The following DIP2A variants were observed in gnomAD, a reference collection of about 807,000 sequenced individuals.
DIP2A encodes disco-interacting protein 2 homolog A.
In DIP2A, 85 loss-of-function variants were observed where a neutral mutation model predicts 177.4. That is an observed-to-expected ratio of 0.48 (90% confidence interval 0.40 to 0.57). DIP2A has a LOEUF of 0.57. DIP2A is among the 20% of genes least tolerant of loss of function. The pLI, the probability that DIP2A is intolerant of heterozygous loss-of-function variation, is 0.00. For synonymous variants in DIP2A, 886 were observed against 881.8 expected, an observed-to-expected ratio of 1.00 and a Z score of -0.08; for missense variants, 1,791 against 2,100.2, an observed-to-expected ratio of 0.85 and a Z score of 2.88.
Position 46,554,543 on chromosome 21 carries a change from G to A in DIP2A, c.3155-32G>A, listed in dbSNP as rs540894130. 34 of 1,602,688 alleles carry A rather than the reference G, an allele frequency of 2.1e-5. No homozygotes were observed. In the East Asian group the frequency reaches 2.7e-4, roughly 13 times the overall value. On this transcript the variant is annotated intron_variant, in intron 26 of 37. Transcript: ENST00000417564. ...AGGCTGGTGGGAGCCTCTTGCGGCC[G>A]GCCTCCTCACAGCCAGTCCTTGTCT...
chr21:46,466,200 C>A (rs1215905727), intron 1 of DIP2A, among the ~76,000 whole-genome samples: 1 of 152,066 alleles, frequency 6.6e-6, no homozygotes, highest in Non-Finnish European at 1.5e-5. Context: ...ATTTTGTGAA[C>A]TAATATTTTC....
chr21:46,525,395 A>G (rs1391991421), intron 8 of DIP2A, among the ~76,000 whole-genome samples: 1 of 152,132 alleles, frequency 6.6e-6, no homozygotes, highest in Non-Finnish European at 1.5e-5. Flanking sequence ...TTGTCTAAGG[A>G]GGAGACAGCC....
rs2059834133 is a variant in DIP2A, at chr21:46,541,893, G to A, written c.2174G>A (p.Gly725Glu). The A allele has an allele frequency of 6.2e-7, 1 of 1,614,024 alleles. No individual in the cohort carries two copies. Among genetic ancestry groups the A allele is most frequent in the Non-Finnish European group, 8.5e-7 (1 of 1,179,900 alleles). ...CAGGACGTTGGTCAGGTGATGCCTG[G>A]AGGTAAGAGACATAACCAGAGTGGG... ...TVQDVGQVMP[G>E]ANVCVVKLEG... The change falls in exon 18 of 38, where the codon GGA becomes GAA. Residue 725 changes from glycine (G) to glutamate (E), a missense_variant and splice_region_variant. Coordinates refer to ENST00000417564, the MANE Select transcript of DIP2A (RefSeq NM_015151.4).
At chr21:46,545,805 C>G in intron 19 of DIP2A, 76 bp from the exon 20 acceptor site, 1 of 1,554,954 alleles carries the variant, frequency 6.4e-7, no homozygotes, top group Non-Finnish European at 8.8e-7. Context: ...GCTGAGCCTC[C>G]TGCCGCCTGC....
At chr21:46,476,237 C>G (rs57421608) in intron 1 of DIP2A, among the ~76,000 whole-genome samples, 1 of 125,982 alleles carries the variant, frequency 7.9e-6, no homozygotes, top group Admixed American at 7.6e-5. Context: ...ATCAAGACTC[C>G]GTCTCAAAAA....
intron 3 of DIP2A, among the ~76,000 whole-genome samples, chr21:46,493,344 G>A (rs1229289882): frequency 7.5e-6 from 1 of 134,080 alleles, no homozygotes; most frequent in East Asian, 2.3e-4. Flanking sequence ...TTCTAAGACA[G>A]CAATAATGTT....
chr21:46,544,657 C>G (rs1218845937), intron 18 of DIP2A, among the ~76,000 whole-genome samples: 2 of 152,138 alleles, frequency 1.3e-5, no homozygotes, highest in Non-Finnish European at 2.9e-5. Flanking sequence ...TAAGATTAGT[C>G]TGGAGTCACA....
intron 28 of DIP2A, chr21:46,555,760 G>A (rs79072422): frequency 0.01 from 5,728 of 558,998 alleles, 53 homozygotes; most frequent in Non-Finnish European, 0.015. Flanking sequence ...ATCCCCACAG[G>A]CTCAGTGTGG....
At chr21:46,486,730 A>G (rs1250023704) in intron 2 of DIP2A, among the ~76,000 whole-genome samples, 1 of 152,228 alleles carries the variant, frequency 6.6e-6, no homozygotes, top group African/African-American at 2.4e-5. Context: ...AGCTAGTATT[A>G]CATAGTAAAG....
chr21:46,574,620 T>C (rs2148936198), downstream of DIP2A, among the ~76,000 whole-genome samples: 1 of 152,134 alleles, frequency 6.6e-6, no homozygotes, highest in Non-Finnish European at 1.5e-5. Context: ...GAAATAAAAT[T>C]GGAAACGTTA....
intron 1 of DIP2A, among the ~76,000 whole-genome samples, chr21:46,479,185 C>G (rs1257621352): frequency 6.6e-6 from 1 of 152,230 alleles, no homozygotes; most frequent in Non-Finnish European, 1.5e-5. Flanking sequence ...CCAAGTTCCA[C>G]TCAGTTCAGC....
intron 8 of DIP2A, among the ~76,000 whole-genome samples, chr21:46,516,481 G>T (rs2148660628): frequency 4.8e-5 from 5 of 103,530 alleles, no homozygotes; most frequent in East Asian, 3.1e-4. Flanking sequence ...CTTGTCTTCT[G>T]AAATTTCTTT....
intron 3 of DIP2A, among the ~76,000 whole-genome samples, chr21:46,495,669 AC>A (rs1253189789): frequency 4.0e-5 from 6 of 151,870 alleles, no homozygotes; most frequent in African/African-American, 1.2e-4. Flanking sequence ...AGGCAGTGGT[AC>A]AGGCATAGCT....
Position 46,511,497 on chromosome 21 carries a change from G to A in DIP2A, c.985G>A (p.Val329Ile), listed in dbSNP as rs780553337. 3 of 1,613,232 alleles carry A rather than the reference G, an allele frequency of 1.9e-6. No homozygotes were observed. Among genetic ancestry groups the A allele is most frequent in the Admixed American group, 1.7e-5 (1 of 59,898 alleles). The stretch of plus-strand genomic sequence containing the variant: ...GAGAGGGGAGCCTCTCACTGCAGGT[G>A]TCCCCCGACCGCCGTCGCTGTTGGC... ...VLRGEPLTAG[V>I]PRPPSLLATL... Residue 329 changes from valine to isoleucine, a missense_variant, in exon 8 of 38, where the codon GTC (valine) becomes ATC (isoleucine). Coordinates refer to ENST00000417564, the MANE Select transcript of DIP2A (RefSeq NM_015151.4).
At chr21:46,574,776 T>G (rs1009370021), downstream of DIP2A, among the ~76,000 whole-genome samples, 3 of 152,098 alleles carry the variant, frequency 2.0e-5, no homozygotes, top group Admixed American at 2.0e-4. Flanking sequence ...AGTAGACTTA[T>G]AACTAGTAAG....
chr21:46,483,339 CA>C (rs201918287), intron 1 of DIP2A, among the ~76,000 whole-genome samples: 21,387 of 137,972 alleles, frequency 0.16, 1,855 homozygotes, highest in Non-Finnish European at 0.22. Context: ...ACACTAAATG[CA>C]AAAAAAAAAA....
chr21:46,460,609 G>A (rs560793131), intron 1 of DIP2A, among the ~76,000 whole-genome samples: 1 of 152,248 alleles, frequency 6.6e-6, no homozygotes, highest in African/African-American at 2.4e-5. Context: ...AGATGCTGTT[G>A]TGATCTTGTT....
At position 46,565,739 on chromosome 21, in the gene DIP2A, C is replaced by G; in HGVS notation, c.4191C>G (p.Ala1397=). Residue 1397 remains alanine (A), a synonymous_variant, in exon 36 of 38, where the codon GCC becomes GCG. Transcript: ENST00000417564. ...GEIWVSSPHN[A]TGYYTVYGEE... is the part of the protein sequence containing the mutation. ...TCTGGGTAAGCAGCCCCCACAATGCCACCGGGTACTACACCGTTTACGGGG... is the reference window on the plus strand; with the variant it reads ...TCTGGGTAAGCAGCCCCCACAATGCGACCGGGTACTACACCGTTTACGGGG... The G allele has an allele frequency of 6.2e-7, 1 of 1,613,934 alleles. No homozygotes were observed. The highest frequency in any genetic ancestry group is 8.5e-7 in the Non-Finnish European group (1 of 1,179,850).
rs182308184 is a variant in DIP2A at position 46,520,314 on chromosome 21, T to C, written c.1102+8700T>C. ...AATCAGCAACAATTTAAGCAAAAAG[T>C]CAAAACAAGTTACTTCTGTTTTCTA... On this transcript the variant is annotated intron_variant, in intron 8 of 37. Coordinates refer to ENST00000417564, the MANE Select transcript of DIP2A (RefSeq NM_015151.4). 5.8e-4 allele frequency among the ~76,000 whole-genome samples: 89 copies of C among 152,350 alleles called. 2 individuals carry two copies. Among genetic ancestry groups the C allele is most frequent in the Admixed American group, 4.8e-3 (73 of 15,308 alleles).
Sources: gnomAD v4.1 joint callset for allele counts (sites outside exome capture counted in the v4.1 genomes callset) on GRCh38, gnomAD v4.1.1 for gene constraint, MANE v1.5 for transcripts, NCBI Gene and HGNC (gene_info 2026-07-23, HGNC 2026-07-21) for gene names.